Variants in USH2A observed in about 807,000 individuals in gnomAD.
USH2A encodes the protein usherin.
In USH2A, 443 loss-of-function variants were observed where a neutral mutation model predicts 538.9. The observed-to-expected ratio is 0.82, with a 90% CI of 0.76 to 0.89. USH2A has a LOEUF of 0.89. Among genes scored for constraint, USH2A ranks in the 40% least tolerant of loss-of-function variants. The probability of loss-of-function intolerance (pLI) is 0.00; values close to 1 mark genes in which losing one functional copy is unlikely to be tolerated. For missense variants in USH2A, 6,633 were observed against 6,324.8 expected, an observed-to-expected ratio of 1.05 and a Z score of -1.65; for synonymous variants, 2,413 against 2,273.5, an observed-to-expected ratio of 1.06 and a Z score of -1.75.
intron 4 of USH2A, among the ~76,000 whole-genome samples, chr1:216,357,071 A>G (rs2102698780): frequency 6.6e-6 from 1 of 152,196 alleles, no homozygotes; most frequent in South Asian, 2.1e-4. Context: ...AATATGCTAG[A>G]ATTATAGAAA....
chr1:216,271,242 C>T (rs1464768263), intron 11 of USH2A, among the ~76,000 whole-genome samples: 1 of 152,084 alleles, frequency 6.6e-6, no homozygotes, highest in East Asian at 1.9e-4. Context: ...ACCTCAGTGA[C>T]AGCCCCAGAC....
chr1:215,885,862 T>C, intron 41 of USH2A, among the ~76,000 whole-genome samples: 1 of 152,246 alleles, frequency 6.6e-6, no homozygotes, highest in East Asian at 1.9e-4. Context: ...CTGCTCCTTG[T>C]ATTATCCCCC....
At chr1:215,918,387 G>T (rs999917669) in intron 38 of USH2A, among the ~76,000 whole-genome samples, 19 of 151,998 alleles carry the variant, frequency 1.3e-4, no homozygotes, top group Admixed American at 1.3e-4. Context: ...AATGCGGTTA[G>T]TGCCCTTGTA....
intron 27 of USH2A, among the ~76,000 whole-genome samples, chr1:216,076,810 T>C (rs534322293): frequency 6.6e-6 from 1 of 152,282 alleles, no homozygotes; most frequent in South Asian, 2.1e-4. Flanking sequence ...TAGGCAAAGA[T>C]TGCCTCATGA....
chr1:216,224,129 G>T (rs1314539746), intron 14 of USH2A, among the ~76,000 whole-genome samples: 1 of 152,102 alleles, frequency 6.6e-6, no homozygotes, highest in Non-Finnish European at 1.5e-5. Flanking sequence ...TATAGAGAGG[G>T]TATATCATTA....
intron 55 of USH2A, among the ~76,000 whole-genome samples, chr1:215,772,754 T>C (rs1436596169): frequency 6.6e-6 from 1 of 152,230 alleles, no homozygotes; most frequent in African/African-American, 2.4e-5. Flanking sequence ...CTTCAAAACA[T>C]TCAGCCAATT....
intron 30 of USH2A, among the ~76,000 whole-genome samples, chr1:216,058,037 G>A (rs1322086702): frequency 1.3e-5 from 2 of 152,210 alleles, no homozygotes; most frequent in Non-Finnish European, 2.9e-5. Context: ...TAAAGTGAAT[G>A]TGAGTATTCT....
At chr1:215,828,072 G>A (rs1663205260) in intron 47 of USH2A, among the ~76,000 whole-genome samples, 2 of 151,938 alleles carry the variant, frequency 1.3e-5, no homozygotes, top group African/African-American at 2.4e-5. Context: ...CATAAAATTT[G>A]GTGAGGAAAA....
chr1:216,196,669 T>TGA lies in USH2A; in HGVS notation c.4133_4134dup (p.Asn1379SerfsTer54), dbSNP rs397518015. The TGA allele has an allele frequency of 1.9e-6, 3 of 1,613,454 alleles. No homozygotes were observed. The highest frequency in any genetic ancestry group is 1.7e-6 in the Non-Finnish European group (2 of 1,179,646). On this transcript the variant is annotated frameshift_variant, in exon 19 of 72. Transcript: ENST00000307340. LOFTEE classifies it high-confidence loss of function. Reference sequence around the variant, plus strand: ...TCTGCTGGCTTCTCCCAGGAGATATTGAGAGAGTACGAAGAGAGGGGAAAG... The same window carrying TGA: ...TCTGCTGGCTTCTCCCAGGAGATATTGAGAGAGAGTACGAAGAGAGGGGAAAG...
chr1:216,420,581 C>G (rs1031586565), intron 2 of USH2A, among the ~76,000 whole-genome samples: 12 of 152,058 alleles, frequency 7.9e-5, no homozygotes, highest in African/African-American at 2.2e-4. Context: ...ACTTCTCTGT[C>G]TTATTTATAC....
chr1:216,299,536 A>G (rs1379421373), intron 9 of USH2A, among the ~76,000 whole-genome samples: 2 of 152,158 alleles, frequency 1.3e-5, no homozygotes, highest in Non-Finnish European at 2.9e-5. Context: ...AGGTTTACAG[A>G]TAAAGTTTAT....
At chr1:216,283,725 C>T (rs895391066) in intron 11 of USH2A, among the ~76,000 whole-genome samples, 8 of 152,086 alleles carry the variant, frequency 5.3e-5, no homozygotes, top group African/African-American at 1.9e-4. Context: ...TCCTTGCAGA[C>T]CATAAAGACC....
chr1:216,325,187 A>G, intron 6 of USH2A, 118 bp downstream of exon 6: 1 of 1,175,552 alleles, frequency 8.5e-7, no homozygotes, highest in Non-Finnish European at 1.2e-6. Flanking sequence ...TTGATTTCAT[A>G]TTTCTGATCT....
At chr1:216,268,409 T>C (rs971935964) in intron 11 of USH2A, among the ~76,000 whole-genome samples, 1 of 152,124 alleles carries the variant, frequency 6.6e-6, no homozygotes, top group Non-Finnish European at 1.5e-5. Context: ...CTGAGATTAT[T>C]AATGTAAACA....
intron 21 of USH2A, among the ~76,000 whole-genome samples, chr1:216,103,570 A>G (rs1332757886): frequency 2.0e-5 from 3 of 152,212 alleles, no homozygotes; most frequent in South Asian, 2.1e-4. Flanking sequence ...AAATCAAGAG[A>G]AGGAACCTGT....
rs567860699 is a variant in USH2A, at chr1:216,367,355, T to C, written c.652-2270A>G. 3.8e-4 allele frequency among the ~76,000 whole-genome samples: 58 copies of C among 152,304 alleles called. 1 individual carries two copies. Among genetic ancestry groups the C allele is most frequent in the Non-Finnish European group, 7.8e-4 (53 of 68,014 alleles). On this transcript the variant is annotated intron_variant, in intron 3 of 71. Transcript: ENST00000307340. ...AGTGTCACTGGTCTAATAAAGGTAA[T>C]AATTCTTAGGCTTTCTTTATAGCAG...
intron 9 of USH2A, among the ~76,000 whole-genome samples, chr1:216,315,596 G>A (rs2037491654): frequency 6.6e-6 from 1 of 151,972 alleles, no homozygotes; most frequent in African/African-American, 2.4e-5. Flanking sequence ...ATATTTTATT[G>A]TACACAAATC....
chr1:216,199,755 C>T lies in USH2A; in HGVS notation c.3683G>A (p.Cys1228Tyr). 1.2e-6 allele frequency: 2 copies of T among 1,614,102 alleles called. No individual in the cohort carries two copies. Among genetic ancestry groups the T allele is most frequent in the East Asian group, 2.2e-5 (1 of 44,832 alleles). Residue 1228 changes from cysteine (C) to tyrosine (Y), a missense_variant, in exon 17 of 72, where the codon TGT (cysteine) becomes TAT (tyrosine). By Grantham distance (194) the Cys-to-Tyr change is radical. Transcript: ENST00000307340. ...FSVQACTSGG[C>Y]LHSLPITVTT... ...CACTGTAATGGGCAAGCTGTGTAAA[C>T]AGCCCCCGCTAGTACACGCCTGTAC...
intron 11 of USH2A, among the ~76,000 whole-genome samples, chr1:216,267,542 TTAA>T (rs1218473733): frequency 6.6e-6 from 1 of 152,020 alleles, no homozygotes. Flanking sequence ...GAGACACACA[TTAA>T]TAATGGAACG....
Sources: gnomAD v4.1 joint callset for allele counts (sites outside exome capture counted in the v4.1 genomes callset) on GRCh38, gnomAD v4.1.1 for gene constraint, MANE v1.5 for transcripts, NCBI Gene and HGNC (gene_info 2026-07-23, HGNC 2026-07-21) for gene names.